Variants in ZPBP observed in about 807,000 individuals in gnomAD.
The protein encoded by ZPBP is zona pellucida binding protein.
In ZPBP, 26 loss-of-function variants were observed where a neutral mutation model predicts 44.8. The observed-to-expected ratio is 0.58, with a 90% confidence interval of 0.43 to 0.81. The LOEUF (loss-of-function observed/expected upper bound fraction) is 0.81. ZPBP is among the 30% of genes least tolerant of loss of function. ZPBP has a pLI of 0.00. For synonymous variants in ZPBP, 174 were observed against 153.2 expected (o/e 1.14, Z -1.00); for missense variants, 409 against 434.0 (o/e 0.94, Z 0.51).
chr7:49,967,018 A>G (rs956152245), intron 7 of ZPBP, among the ~76,000 whole-genome samples: 1 of 152,078 alleles, frequency 6.6e-6, no homozygotes, highest in Non-Finnish European at 1.5e-5. Flanking sequence ...GGACTAAAAG[A>G]GCTACTTGGC....
intron 2 of ZPBP, among the ~76,000 whole-genome samples, chr7:49,883,632 A>G (rs925941822): frequency 2.0e-5 from 3 of 152,198 alleles, no homozygotes; most frequent in Non-Finnish European, 4.4e-5. Context: ...TGATAAAACA[A>G]TGTAAAAATA....
chr7:50,069,062 GC>G (rs1369467602), intron 3 of ZPBP, among the ~76,000 whole-genome samples: 2 of 152,174 alleles, frequency 1.3e-5, no homozygotes, highest in Non-Finnish European at 2.9e-5. Context: ...CTTGGGCACG[GC>G]CAGATCTGAG....
intron 7 of ZPBP, chr7:49,943,860 G>T: frequency 4.0e-6 from 1 of 247,910 alleles, no homozygotes; most frequent in East Asian, 1.4e-4. Context: ...CTCTTCTTGT[G>T]CTTCATTTAT....
intron 6 of ZPBP, among the ~76,000 whole-genome samples, chr7:49,993,953 T>C (rs1363998461): frequency 2.0e-5 from 3 of 152,196 alleles, no homozygotes; most frequent in African/African-American, 4.8e-5. Flanking sequence ...TAGTCACCCA[T>C]GAACATTCAC....
At chr7:49,871,336 G>A (rs181830870) in intron 2 of ZPBP, among the ~76,000 whole-genome samples, 16 of 152,132 alleles carry the variant, frequency 1.1e-4, no homozygotes, top group South Asian at 2.1e-4. Flanking sequence ...AAACCCCTGC[G>A]CATTAAGGTA....
At chr7:50,026,981 A>C (rs1168119881) in intron 5 of ZPBP, among the ~76,000 whole-genome samples, 1 of 151,930 alleles carries the variant, frequency 6.6e-6, no homozygotes, top group Non-Finnish European at 1.5e-5. Context: ...ACAGAGCCAA[A>C]TTCTACCTCA....
chr7:50,033,615 C>T (rs1799696684), intron 4 of ZPBP, among the ~76,000 whole-genome samples: 1 of 152,138 alleles, frequency 6.6e-6, no homozygotes. Flanking sequence ...TTCCTTATGA[C>T]AAGTTCCAGC....
intron 1 of ZPBP, chr7:49,918,959 G>A (rs964363308): frequency 7.2e-5 from 11 of 152,180 alleles, no homozygotes; most frequent in African/African-American, 2.4e-4. Context: ...GGGAGGCTGA[G>A]GCAGGAGAAT....
chr7:50,081,711 T>C, intron 3 of ZPBP, 63 bp downstream of exon 3: 1 of 1,572,908 alleles, frequency 6.4e-7, no homozygotes, highest in African/African-American at 1.3e-5. Flanking sequence ...ACAAACATTC[T>C]TTTTGTGTTG....
chr7:49,893,709 C>A (rs963543677), intron 2 of ZPBP, among the ~76,000 whole-genome samples: 1 of 150,656 alleles, frequency 6.6e-6, no homozygotes, highest in Non-Finnish European at 1.5e-5. Flanking sequence ...AAAGGGAAAT[C>A]GAAATACAAT....
chr7:49,915,763 T>C (rs909593347), intron 1 of ZPBP: 23 of 152,204 alleles, frequency 1.5e-4, no homozygotes, highest in Admixed American at 8.5e-4. Flanking sequence ...AAGAGATCAA[T>C]CCTACTTTTC....
chr7:49,959,976 G>A (rs1795786070), intron 7 of ZPBP, among the ~76,000 whole-genome samples: 1 of 152,064 alleles, frequency 6.6e-6, no homozygotes, highest in Non-Finnish European at 1.5e-5. Flanking sequence ...TTTTAATAGA[G>A]GAAGAAAAGT....
intron 2 of ZPBP, among the ~76,000 whole-genome samples, chr7:49,877,481 A>AAAAAAATATACATATATACATATATATAT: frequency 7.9e-5 from 1 of 12,722 alleles, no homozygotes; most frequent in Non-Finnish European, 1.4e-4. Context: ...AAAAAAAAAA[A>AAAAAAATATACATATATACATATATATAT]ATATATATAT....
At chr7:50,032,105 A>G (rs1301919563) in intron 4 of ZPBP, among the ~76,000 whole-genome samples, 4 of 152,136 alleles carry the variant, frequency 2.6e-5, no homozygotes, top group African/African-American at 9.7e-5. Flanking sequence ...AATTAAGTAC[A>G]CATACTTAGC....
At chr7:49,996,468 G>C (rs1797852068) in intron 6 of ZPBP, among the ~76,000 whole-genome samples, 1 of 152,232 alleles carries the variant, frequency 6.6e-6, no homozygotes, top group Non-Finnish European at 1.5e-5. Context: ...AAGTCCATAA[G>C]TCCCTGGAAG....
At chr7:49,864,869 T>C (rs1790813009) in intron 2 of ZPBP, among the ~76,000 whole-genome samples, 1 of 152,216 alleles carries the variant, frequency 6.6e-6, no homozygotes. Flanking sequence ...TTAAGTTGCC[T>C]TGTTCGTGAT....
At chr7:49,939,961 T>G (rs528017658) in intron 7 of ZPBP, among the ~76,000 whole-genome samples, 1 of 152,264 alleles carries the variant, frequency 6.6e-6, no homozygotes, top group South Asian at 2.1e-4. Context: ...TCTGAAAATC[T>G]TCAATGAAAA....
intron 1 of ZPBP, among the ~76,000 whole-genome samples, chr7:49,903,470 T>G (rs1041177047): frequency 6.6e-6 from 1 of 152,200 alleles, no homozygotes; most frequent in Non-Finnish European, 1.5e-5. Context: ...ATGCTGAGTT[T>G]TAAAAGCCAA....
chr7:49,994,563 C>G (rs1797725478), intron 6 of ZPBP, among the ~76,000 whole-genome samples: 1 of 152,190 alleles, frequency 6.6e-6, no homozygotes, highest in Non-Finnish European at 1.5e-5. Flanking sequence ...GCTCAGGTCA[C>G]ATGGTAACCT....
Sources: allele counts gnomAD v4.1 joint callset (sites outside exome capture counted in the v4.1 genomes callset), GRCh38; gene constraint gnomAD v4.1.1; transcripts MANE v1.5; gene names NCBI Gene and HGNC (gene_info 2026-07-23, HGNC 2026-07-21).